Variants in CHAT observed in about 807,000 individuals in gnomAD.
CHAT encodes the protein choline O-acetyltransferase.
CHAT carries 61 observed loss-of-function variants against 76.9 expected under a neutral mutation model. The ratio of observed to expected loss-of-function variants is 0.79; its 90% CI spans 0.65 to 0.98. The LOEUF (loss-of-function observed/expected upper bound fraction) is 0.98, where lower values mean the gene tolerates loss of function less well. Ranked by LOEUF, CHAT falls within the 50% of genes least tolerant of loss-of-function variation. CHAT has a pLI of 0.00. For missense variants in CHAT, 946 were observed against 986.9 expected, an observed-to-expected ratio of 0.96 and a Z score of 0.56; for synonymous variants, 407 against 397.4, an observed-to-expected ratio of 1.02 and a Z score of -0.29.
intron 14 of CHAT, among the ~76,000 whole-genome samples, 169 bp from the exon 15 acceptor site, chr10:49,664,608 T>C (rs1436890378): frequency 6.6e-6 from 1 of 152,212 alleles, no homozygotes; most frequent in Non-Finnish European, 1.5e-5. Flanking sequence ...ATCATGCAGT[T>C]AGATGGGTCT....
At chr10:49,646,960 G>C (rs1329281283) in intron 8 of CHAT, 2 of 502,946 alleles carry the variant, frequency 4.0e-6, no homozygotes, top group Admixed American at 6.5e-5. Context: ...TGCCAGGAAG[G>C]TCTGGGCCAG....
chr10:49,618,806 T>C (rs1175552675), intron 2 of CHAT, among the ~76,000 whole-genome samples: 4 of 152,198 alleles, frequency 2.6e-5, no homozygotes, highest in African/African-American at 7.2e-5. Context: ...GGGTTTCCTC[T>C]TGGGAATTCC....
At chr10:49,655,518 A>G (rs1344720725) in intron 13 of CHAT, 70 bp downstream of exon 13, 1 of 1,462,082 alleles carries the variant, frequency 6.8e-7, no homozygotes, top group Non-Finnish European at 9.6e-7. Context: ...AATGGGCACC[A>G]CGGCATAAGA....
At chr10:49,649,287 G>C (rs994075983) in intron 9 of CHAT, among the ~76,000 whole-genome samples, 1 of 152,228 alleles carries the variant, frequency 6.6e-6, no homozygotes, top group Non-Finnish European at 1.5e-5. Flanking sequence ...TTTGGAGTCA[G>C]GCGGAACTGG....
At chr10:49,639,293 A>G (rs952754284) in intron 7 of CHAT, among the ~76,000 whole-genome samples, 4 of 152,148 alleles carry the variant, frequency 2.6e-5, no homozygotes, top group Non-Finnish European at 5.9e-5. Flanking sequence ...CCATTCTTTC[A>G]GGATATGTCT....
intron 7 of CHAT, among the ~76,000 whole-genome samples, chr10:49,629,769 C>T (rs1467434740): frequency 1.3e-5 from 2 of 152,064 alleles, no homozygotes; most frequent in African/African-American, 4.8e-5. Context: ...ATCCAGTTAG[C>T]GCCAACTGTG....
chr10:49,649,915 G>C (rs149109349), intron 10 of CHAT, among the ~76,000 whole-genome samples: 1 of 139,604 alleles, frequency 7.2e-6, no homozygotes. Flanking sequence ...TGACTGAGCA[G>C]AGTCAAGGCC....
chr10:49,616,141 G>T, intron 1 of CHAT: 2 of 1,528,580 alleles, frequency 1.3e-6, no homozygotes, highest in Non-Finnish European at 1.8e-6. Context: ...AGTTTGATTG[G>T]CAAAGCACTT....
At chr10:49,637,699 G>T (rs1008375178) in intron 7 of CHAT, 1 of 152,146 alleles carries the variant, frequency 6.6e-6, no homozygotes, top group African/African-American at 2.4e-5. Flanking sequence ...CCAGTCTTAG[G>T]CAGTTCTTTA....
intron 7 of CHAT, among the ~76,000 whole-genome samples, chr10:49,638,739 T>C (rs1839376747): frequency 6.6e-6 from 1 of 152,216 alleles, no homozygotes; most frequent in Non-Finnish European, 1.5e-5. Flanking sequence ...AATACACTTG[T>C]CTTAAATATT....
At chr10:49,609,357 G>A (rs948299666), upstream of CHAT, among the ~76,000 whole-genome samples, 4 of 152,158 alleles carry the variant, frequency 2.6e-5, no homozygotes, top group South Asian at 2.1e-4. Flanking sequence ...TCTGGAAAAT[G>A]AGGGATGGGG....
At chr10:49,651,256 C>T (rs1444040815) in intron 10 of CHAT, among the ~76,000 whole-genome samples, 2 of 136,462 alleles carry the variant, frequency 1.5e-5, no homozygotes, top group Admixed American at 7.2e-5. Flanking sequence ...GTTCCTAGCA[C>T]CTGGCCCCAC....
At chr10:49,660,285 A>T (rs1421927182) in intron 13 of CHAT, among the ~76,000 whole-genome samples, 1 of 152,106 alleles carries the variant, frequency 6.6e-6, no homozygotes, top group African/African-American at 2.4e-5. Flanking sequence ...TTAAAAATAC[A>T]AAACAATTAG....
intron 7 of CHAT, among the ~76,000 whole-genome samples, chr10:49,645,352 G>A (rs10400152): frequency 0.019 from 2,866 of 152,256 alleles, 94 homozygotes; most frequent in African/African-American, 0.064. Flanking sequence ...GTGATACGCA[G>A]CCCTCACCAT....
intron 6 of CHAT, 54 bp downstream of exon 6, chr10:49,625,707 C>T (rs111865833): frequency 2.9e-5 from 44 of 1,505,300 alleles, no homozygotes; most frequent in South Asian, 1.4e-4. Context: ...AGTGGCCATG[C>T]GTTCACGTCC....
chr10:49,641,407 G>A (rs543791785), intron 7 of CHAT, among the ~76,000 whole-genome samples: 30 of 152,284 alleles, frequency 2.0e-4, no homozygotes, highest in African/African-American at 6.0e-4. Context: ...AGTTTTTAGC[G>A]GGAGGAATGG....
At chr10:49,662,360 T>C (rs143773701) in intron 13 of CHAT, among the ~76,000 whole-genome samples, 1 of 152,314 alleles carries the variant, frequency 6.6e-6, no homozygotes, top group East Asian at 1.9e-4. Flanking sequence ...GTGTAGGGGA[T>C]GCTCAGACTC....
At position 49,648,577 on chromosome 10, in the gene CHAT, T is replaced by A. The variant is rs1270371075; in HGVS notation, c.1352T>A (p.Val451Glu). Reference protein sequence around the residue: ...EHSPFDGIVLVQCTEHLLKHV... With the variant: ...EHSPFDGIVLEQCTEHLLKHV... ...TCCCCATTCGATGGCATCGTCCTGG[T>A]GCAGTGCACTGAGCATCTGCTCAAG... is the stretch of plus-strand genomic sequence containing the variant. The change falls in exon 9 of 15, where the codon GTG becomes GAG. Residue 451 changes from valine to glutamate, a missense_variant. By Grantham distance (121) the Val-to-Glu change is moderately radical (BLOSUM62 -2). This residue lies in a region of CHAT where 349 missense variants were observed against 393.9 expected (regional missense o/e 0.89). Transcript: ENST00000337653. The A allele has an allele frequency of 6.2e-7, 1 of 1,613,694 alleles. No homozygotes were observed. The highest frequency in any genetic ancestry group is 8.5e-7 in the Non-Finnish European group (1 of 1,179,696).
chr10:49,611,508 G>A (rs761325222), upstream of CHAT: 4 of 1,600,994 alleles, frequency 2.5e-6, no homozygotes, highest in Non-Finnish European at 3.4e-6. Context: ...TCTTTGACGC[G>A]CTGTTGCTGC....
Sources: gnomAD v4.1 joint callset for allele counts (sites outside exome capture counted in the v4.1 genomes callset) on GRCh38, gnomAD v4.1.1 for gene constraint, gnomAD v4.1.1 regional missense constraint, MANE v1.5 for transcripts, NCBI Gene and HGNC (gene_info 2026-07-23, HGNC 2026-07-21) for gene names.